Variants in GRIN2B observed in about 807,000 individuals in gnomAD.
The protein encoded by GRIN2B is glutamate receptor ionotropic, NMDA 2B.
Under a neutral mutation model 114.5 loss-of-function variants are expected in GRIN2B, and 5 were observed. The observed-to-expected ratio is 0.04, with a 90% CI of 0.02 to 0.09. GRIN2B has a LOEUF of 0.09. Among genes scored for constraint, GRIN2B ranks in the 10% least tolerant of loss-of-function variants. The probability of loss-of-function intolerance (pLI) is 1.00; values close to 1 mark genes in which losing one functional copy is unlikely to be tolerated. For missense variants in GRIN2B, 1,108 were observed against 1,943.5 expected, an observed-to-expected ratio of 0.57 and a Z score of 8.08; for synonymous variants, 787 against 745.1, an observed-to-expected ratio of 1.06 and a Z score of -0.92.
intron 3 of GRIN2B, among the ~76,000 whole-genome samples, chr12:13,852,258 C>T (rs1865579990): frequency 6.6e-6 from 1 of 152,148 alleles, no homozygotes; most frequent in African/African-American, 2.4e-5. Context: ...TTCTCAGTGC[C>T]ACCACCCCAC....
At chr12:13,852,017 G>A (rs997501054) in intron 3 of GRIN2B, among the ~76,000 whole-genome samples, 3 of 152,186 alleles carry the variant, frequency 2.0e-5, no homozygotes, top group Admixed American at 6.5e-5. Context: ...CCCTAGCAAC[G>A]TGATGCTGAA....
chr12:13,742,693 A>C (rs1863307388), intron 4 of GRIN2B, among the ~76,000 whole-genome samples: 1 of 152,150 alleles, frequency 6.6e-6, no homozygotes, highest in African/African-American at 2.4e-5. Flanking sequence ...GGCCTCCCAA[A>C]GTGCTGGGAT....
chr12:13,887,473 C>T (rs1866183708), intron 2 of GRIN2B, among the ~76,000 whole-genome samples: 1 of 151,998 alleles, frequency 6.6e-6, no homozygotes, highest in Non-Finnish European at 1.5e-5. Flanking sequence ...AATACGTAGG[C>T]ATGGGATTAC....
chr12:13,753,503 G>T lies in GRIN2B; in HGVS notation c.824C>A (p.Thr275Asn). 6.2e-7 allele frequency: 1 copy of T among 1,614,192 alleles called. No homozygotes were observed. Among genetic ancestry groups the T allele is most frequent in the Non-Finnish European group, 8.5e-7 (1 of 1,180,030 alleles). ...DTDTVPAEFP[T>N]GLISVSYDEW... ...ATCATATGATACAGAGATGAGCCCA[G>T]TGGGGAACTCCGCAGGCACTGTGTC... The change falls in exon 4 of 14, where the codon ACT (threonine) becomes AAT (asparagine). Residue 275 changes from threonine (T) to asparagine (N), a missense_variant. Physicochemically the swap from Thr to Asn is moderately conservative, Grantham distance 65. Transcript: ENST00000609686. This position sits in a 1 kb window ranked among gnomAD's most constrained non-coding sequence, Gnocchi z 6.2.
chr12:13,915,103 A>G lies in GRIN2B; in HGVS notation c.-18-48877T>C, dbSNP rs183616698. 1.3e-3 allele frequency among the ~76,000 whole-genome samples: 194 copies of G among 152,354 alleles called. 1 individual carries two copies. The highest frequency in any genetic ancestry group is 3.9e-3 in the African/African-American group (163 of 41,588). ...AAGATAAATATTAGAGGTGACGGCTATCCCACTTACTCGGATTTTATCTTT... is the reference window on the plus strand; with the variant it reads ...AAGATAAATATTAGAGGTGACGGCTGTCCCACTTACTCGGATTTTATCTTT... On this transcript the variant is annotated intron_variant, in intron 2 of 13. Transcript: ENST00000609686.
chr12:13,690,371 TCTCACACACA>T (rs1565501445), intron 4 of GRIN2B, among the ~76,000 whole-genome samples: 1 of 87,590 alleles, frequency 1.1e-5, no homozygotes, highest in African/African-American at 3.6e-5. Context: ...TCTCTCTCTC[TCTCACACACA>T]CACACACACA....
Position 13,549,939 on chromosome 12 carries a change from C to G in GRIN2B, c.*12844G>C, listed in dbSNP as rs1371863820. 6.6e-6 allele frequency: 1 copy of G among 152,080 alleles called. No homozygotes were observed. The highest frequency in any genetic ancestry group is 2.4e-5 in the African/African-American group (1 of 41,382). The allele number at this position is 152,080 out of a possible 1,614,324, so 9.4% of individuals were successfully genotyped here. On this transcript the variant is annotated 3_prime_UTR_variant, in exon 14 of 14. Coordinates refer to ENST00000609686, the MANE Select transcript of GRIN2B (RefSeq NM_000834.5). ...GCTGCCTAGATTTCGTGACTTTTCTCCACTGCTAGATGCTGAAAACCTACA... is the reference window on the plus strand; with the variant it reads ...GCTGCCTAGATTTCGTGACTTTTCTGCACTGCTAGATGCTGAAAACCTACA...
At position 13,787,911 on chromosome 12, in the gene GRIN2B, G is replaced by T. The variant is rs375000676; in HGVS notation, c.412-33996C>A. ...CCATTGATCCAATGTAATAAATGGG[G>T]ATTGCAACCCCAGACCAGCCTGCAA... On this transcript the variant is annotated intron_variant, in intron 3 of 13. Coordinates refer to ENST00000609686, the MANE Select transcript of GRIN2B (RefSeq NM_000834.5). Among the ~76,000 whole-genome samples, 21 of 152,296 alleles carry T rather than the reference G, an allele frequency of 1.4e-4. No individual in the cohort carries two copies. The East Asian group carries it at 3.9e-3, about 28-fold the overall frequency.
intron 10 of GRIN2B, among the ~76,000 whole-genome samples, chr12:13,605,551 T>TCTCTCTCTCTCTCACA: frequency 9.5e-4 from 29 of 30,486 alleles, no homozygotes; most frequent in African/African-American, 3.0e-3. Flanking sequence ...TCTCTCTCTC[T>TCTCTCTCTCTCTCACA]GACACACACA....
intron 2 of GRIN2B, among the ~76,000 whole-genome samples, chr12:13,909,396 C>A (rs1394372449): frequency 1.3e-5 from 2 of 152,220 alleles, no homozygotes; most frequent in Admixed American, 6.5e-5. Flanking sequence ...AATAACAGCA[C>A]CTTCAGGTTA....
intron 3 of GRIN2B, among the ~76,000 whole-genome samples, chr12:13,812,930 ATTTTTT>A (rs34773248): frequency 1.7e-5 from 2 of 118,392 alleles, no homozygotes; most frequent in African/African-American, 6.6e-5. Context: ...AGTTTTGGGA[ATTTTTT>A]TTTTTTTTTT....
chr12:13,777,981 C>T (rs1269723135), intron 3 of GRIN2B, among the ~76,000 whole-genome samples: 2 of 152,186 alleles, frequency 1.3e-5, no homozygotes, highest in Non-Finnish European at 2.9e-5. Flanking sequence ...CAAAGTCAAG[C>T]CTTAACTGGT....
At chr12:13,680,626 C>T (rs1258147971) in intron 4 of GRIN2B, among the ~76,000 whole-genome samples, 1 of 152,026 alleles carries the variant, frequency 6.6e-6, no homozygotes, top group Non-Finnish European at 1.5e-5. Flanking sequence ...CATAGAGAAC[C>T]TTCATTTTAG....
intron 5 of GRIN2B, among the ~76,000 whole-genome samples, chr12:13,651,776 C>A (rs574520534): frequency 6.6e-6 from 1 of 152,024 alleles, no homozygotes. Flanking sequence ...GTGGTCTATG[C>A]GAAATGTCCA....
chr12:13,844,906 T>C (rs1263050093), intron 3 of GRIN2B, among the ~76,000 whole-genome samples: 1 of 152,204 alleles, frequency 6.6e-6, no homozygotes, highest in East Asian at 1.9e-4. Context: ...ACATGTACTG[T>C]AGTGTTCCTT....
rs1948299557 is a variant in GRIN2B at position 13,542,999 on chromosome 12, T to A, written c.*19784A>T. 1 of 152,090 alleles carries A rather than the reference T, an allele frequency of 6.6e-6. No individual in the cohort carries two copies. Among genetic ancestry groups the A allele is most frequent in the African/African-American group, 2.4e-5 (1 of 41,378 alleles). The allele number at this position is 152,090 out of a possible 1,614,324, so 9.4% of individuals were successfully genotyped here. A position where few individuals can be genotyped will look rare whatever the true frequency, so the allele number is the denominator to read the frequency against. Reference sequence around the variant, plus strand: ...ATGCAACAACCATAAAATCCAGCTTTGATGCACATCAGACTAGGCTAGCTG... The same window carrying A: ...ATGCAACAACCATAAAATCCAGCTTAGATGCACATCAGACTAGGCTAGCTG... On this transcript the variant is annotated 3_prime_UTR_variant, in exon 14 of 14. Transcript: ENST00000609686.
chr12:13,862,734 A>G (rs1428419974), intron 3 of GRIN2B, among the ~76,000 whole-genome samples: 1 of 152,136 alleles, frequency 6.6e-6, no homozygotes, highest in African/African-American at 2.4e-5. Context: ...ATTTGTCCCA[A>G]AGGCTTTTTT....
intron 2 of GRIN2B, among the ~76,000 whole-genome samples, chr12:13,897,291 A>G (rs556954536): frequency 2.0e-5 from 3 of 152,230 alleles, no homozygotes; most frequent in Non-Finnish European, 4.4e-5. Context: ...GCACCTGTCC[A>G]AATTACCCCA....
At chr12:13,754,435 C>A (rs1384806570) in intron 3 of GRIN2B, among the ~76,000 whole-genome samples, 1 of 152,138 alleles carries the variant, frequency 6.6e-6, no homozygotes, top group African/African-American at 2.4e-5. Flanking sequence ...TCACAGAGTG[C>A]ATAATCCAAA....
Sources: allele counts gnomAD v4.1 joint callset (sites outside exome capture counted in the v4.1 genomes callset), GRCh38; gene constraint gnomAD v4.1.1; non-coding constraint Gnocchi (gnomAD v3.1); transcripts MANE v1.5; gene names NCBI Gene and HGNC (gene_info 2026-07-23, HGNC 2026-07-21).